Variants in FBLN2 observed in about 807,000 individuals in gnomAD.
FBLN2 encodes the protein fibulin 2.
In FBLN2, 81 loss-of-function variants were observed where a neutral mutation model predicts 123.7. That is an observed-to-expected ratio of 0.65 (90% CI 0.55 to 0.79). FBLN2 has a LOEUF of 0.79. FBLN2 is among the 30% of genes least tolerant of loss of function. FBLN2 has a pLI of 0.00. For missense variants in FBLN2, 1,603 were observed against 1,681.3 expected, an observed-to-expected ratio of 0.95 and a Z score of 0.81; for synonymous variants, 699 against 701.4, an observed-to-expected ratio of 1.00 and a Z score of 0.05.
At chr3:13,572,024 C>A (rs1378036369) in intron 2 of FBLN2, among the ~76,000 whole-genome samples, 4 of 152,338 alleles carry the variant, frequency 2.6e-5, no homozygotes, top group Middle Eastern at 3.4e-3. Flanking sequence ...GCAGGAAATG[C>A]GAAGGGCGGT....
chr3:13,562,078 T>G (rs1415261587), intron 1 of FBLN2, among the ~76,000 whole-genome samples: 2 of 152,224 alleles, frequency 1.3e-5, no homozygotes, highest in Admixed American at 1.3e-4. Context: ...TGATGCTTTG[T>G]GCCAAGAGCA....
chr3:13,627,706 C>T, intron 10 of FBLN2, 126 bp from the exon 11 acceptor site: 1 of 1,259,784 alleles, frequency 7.9e-7, no homozygotes, highest in Non-Finnish European at 1.1e-6. Flanking sequence ...GCTGTGCCAG[C>T]TTCCCAGGGA....
intron 16 of FBLN2, among the ~76,000 whole-genome samples, chr3:13,635,375 TACACACACAC>T (rs3836364): frequency 6.7e-6 from 1 of 149,092 alleles, no homozygotes. Context: ...GCCTGTGGGT[TACACACACAC>T]ACACACACAC....
At position 13,628,951 on chromosome 3, in the gene FBLN2, C is replaced by T. The variant is rs1706148007; in HGVS notation, c.2616C>T (p.Phe872=). The change falls in exon 12 of 18, where the codon TTC becomes TTT. Residue 872 remains phenylalanine (F), a synonymous_variant. Transcript: ENST00000404922. ...TSLSEPCRPG[F]SCINTVGSYT... is the part of the protein sequence containing the mutation. ...TGTCCGAGCCATGTCGGCCAGGCTTCAGCTGCATCAACACGGTGGGCTCCT... is the reference window on the plus strand; with the variant it reads ...TGTCCGAGCCATGTCGGCCAGGCTTTAGCTGCATCAACACGGTGGGCTCCT... The T allele has an allele frequency of 1.9e-6, 3 of 1,613,572 alleles. No homozygotes were observed. Among genetic ancestry groups the T allele is most frequent in the South Asian group, 1.1e-5 (1 of 91,066 alleles).
At position 13,636,441 on chromosome 3, in the gene FBLN2, C is replaced by G; in HGVS notation, c.3215-4C>G. 6.2e-7 allele frequency: 1 copy of G among 1,613,492 alleles called. No homozygotes were observed. The highest frequency in any genetic ancestry group is 8.5e-7 in the Non-Finnish European group (1 of 1,179,660). The stretch of plus-strand genomic sequence containing the variant: ...ACCCTGCCATTGCCCCTCTTCTCCC[C>G]CAGACGTGGATGAGTGTGCACTGGG... On this transcript the variant is annotated splice_polypyrimidine_tract_variant and splice_region_variant and intron_variant, in intron 16 of 17. Transcript: ENST00000404922.
At chr3:13,554,166 C>G (rs570296777) in intron 1 of FBLN2, among the ~76,000 whole-genome samples, 10 of 152,342 alleles carry the variant, frequency 6.6e-5, no homozygotes, top group African/African-American at 2.4e-4. Context: ...GAGCCCCAGG[C>G]CCACTCTGGG....
At chr3:13,553,786 G>C (rs1285500496) in intron 1 of FBLN2, among the ~76,000 whole-genome samples, 1 of 152,230 alleles carries the variant, frequency 6.6e-6, no homozygotes, top group Non-Finnish European at 1.5e-5. Context: ...TGAGGAAGTG[G>C]TGCCACCCAC....
rs763243579 is a variant in FBLN2, at chr3:13,629,095, T to A, written c.2713+47T>A. 10 of 1,612,664 alleles carry A rather than the reference T, an allele frequency of 6.2e-6. No homozygotes were observed. In the Admixed American group the frequency reaches 1.7e-4, roughly 27 times the overall value. On this transcript the variant is annotated intron_variant, in intron 12 of 17. Coordinates refer to ENST00000404922, the MANE Select transcript of FBLN2 (RefSeq NM_001004019.2). ...CTGCCAGCCAGCCCGGCCTGCCCGC[T>A]TCCCCACCCCTGGGAGGTGTGTGTG...
intron 2 of FBLN2, among the ~76,000 whole-genome samples, chr3:13,587,299 A>C (rs1704541694): frequency 6.6e-6 from 1 of 152,200 alleles, no homozygotes; most frequent in African/African-American, 2.4e-5. Context: ...TAAAATTTAT[A>C]AAGTAAAAAC....
intron 1 of FBLN2, among the ~76,000 whole-genome samples, chr3:13,565,487 G>A (rs1703718029): frequency 6.6e-6 from 1 of 152,242 alleles, no homozygotes; most frequent in Non-Finnish European, 1.5e-5. Flanking sequence ...ATGGCTAGGC[G>A]CAGAGGCTCA....
At chr3:13,610,668 C>T (rs559846409) in intron 4 of FBLN2, among the ~76,000 whole-genome samples, 79 of 152,234 alleles carry the variant, frequency 5.2e-4, no homozygotes, top group African/African-American at 1.7e-3. Context: ...TGGCCACTGG[C>T]GGACAGGGTG....
chr3:13,566,788 T>C (rs1007459938), intron 1 of FBLN2, among the ~76,000 whole-genome samples: 3 of 152,254 alleles, frequency 2.0e-5, no homozygotes, highest in African/African-American at 7.2e-5. Flanking sequence ...TGAATTTTTA[T>C]GTGAACGTTT....
chr3:13,613,518 C>G (rs1206431710), intron 4 of FBLN2, among the ~76,000 whole-genome samples: 1 of 152,216 alleles, frequency 6.6e-6, no homozygotes, highest in African/African-American at 2.4e-5. Context: ...CCCAAGTTGG[C>G]TGCTAAAGCT....
Position 13,570,919 on chromosome 3 carries a change from C to G in FBLN2, c.564C>G (p.Asp188Glu). The change falls in exon 2 of 18, where the codon GAC (aspartate) becomes GAG (glutamate). Residue 188 changes from aspartate (D) to glutamate (E), a missense_variant. Asp to Glu is a conservative substitution (Grantham distance 45). Coordinates refer to ENST00000404922, the MANE Select transcript of FBLN2 (RefSeq NM_001004019.2). ...ACTTCTCAGATGCCGAGGAGGGTGACCCCGAGCGACACTACGAAGACCCCT... is the reference window on the plus strand; with the variant it reads ...ACTTCTCAGATGCCGAGGAGGGTGAGCCCGAGCGACACTACGAAGACCCCT... ...HGNFSDAEEG[D>E]PERHYEDPYS... 6.2e-7 allele frequency: 1 copy of G among 1,612,864 alleles called. No homozygotes were observed. Among genetic ancestry groups the G allele is most frequent in the Middle Eastern group, 1.6e-4 (1 of 6,062 alleles).
chr3:13,577,331 C>G (rs1023441219), intron 2 of FBLN2, among the ~76,000 whole-genome samples: 1 of 151,932 alleles, frequency 6.6e-6, no homozygotes, highest in African/African-American at 2.4e-5. Flanking sequence ...GCGAGCCACG[C>G]GTGCACCTGA....
chr3:13,562,108 A>G (rs1012157675), intron 1 of FBLN2, among the ~76,000 whole-genome samples: 4 of 152,176 alleles, frequency 2.6e-5, no homozygotes, highest in African/African-American at 7.2e-5. Context: ...TTCCCAGTGA[A>G]CTAGATGACT....
intron 2 of FBLN2, among the ~76,000 whole-genome samples, chr3:13,593,928 A>T (rs1440058189): frequency 6.6e-6 from 1 of 152,058 alleles, no homozygotes; most frequent in African/African-American, 2.4e-5. Flanking sequence ...AAGCCAGTGT[A>T]CCTCGTCTTC....
intron 1 of FBLN2, among the ~76,000 whole-genome samples, chr3:13,568,237 T>C (rs1427723649): frequency 2.6e-5 from 4 of 152,102 alleles, no homozygotes; most frequent in Admixed American, 1.3e-4. Context: ...TCCATGGCCC[T>C]CCACCGCAGC....
intron 2 of FBLN2, among the ~76,000 whole-genome samples, chr3:13,600,926 A>G (rs1265608951): frequency 6.6e-6 from 1 of 152,120 alleles, no homozygotes; most frequent in Non-Finnish European, 1.5e-5. Flanking sequence ...ATTTGTACAC[A>G]TTTATGGGGC....
Sources: allele counts gnomAD v4.1 joint callset (sites outside exome capture counted in the v4.1 genomes callset), GRCh38; gene constraint gnomAD v4.1.1; transcripts MANE v1.5; gene names NCBI Gene and HGNC (gene_info 2026-07-23, HGNC 2026-07-21).